The following EPHA6 variants were observed in gnomAD, a reference collection of about 807,000 sequenced individuals.
EPHA6 encodes ephrin type-A receptor 6.
A neutral mutation model predicts 112.0 loss-of-function variants in EPHA6; 50 were observed. That is an observed-to-expected ratio of 0.45 (90% CI 0.36 to 0.56). The LOEUF is 0.56. Among genes scored for constraint, EPHA6 ranks in the 20% least tolerant of loss-of-function variants. The pLI is 0.00. For missense variants in EPHA6, 1,280 were observed against 1,417.4 expected, an observed-to-expected ratio of 0.90 and a Z score of 1.56; for synonymous variants, 529 against 490.7, an observed-to-expected ratio of 1.08 and a Z score of -1.03.
chr3:97,228,537 G>GTA (rs1462416077), intron 4 of EPHA6, among the ~76,000 whole-genome samples: 6 of 148,200 alleles, frequency 4.0e-5, no homozygotes, highest in African/African-American at 1.3e-4. Flanking sequence ...GTGTGTGTGT[G>GTA]TGTATATATA....
At chr3:97,591,530 C>T (rs1192945159) in intron 11 of EPHA6, among the ~76,000 whole-genome samples, 2 of 151,594 alleles carry the variant, frequency 1.3e-5, no homozygotes, top group Admixed American at 1.3e-4. Context: ...ACAGTCCTTA[C>T]AATCATCAGT....
At chr3:97,466,432 A>G (rs1300623630) in intron 7 of EPHA6, 1 of 1,580,916 alleles carries the variant, frequency 6.3e-7, no homozygotes, top group African/African-American at 1.4e-5. Flanking sequence ...TCTCCATTTC[A>G]AGTGACAAAA....
intron 4 of EPHA6, among the ~76,000 whole-genome samples, chr3:97,231,849 T>C (rs2078535973): frequency 6.6e-6 from 1 of 152,206 alleles, no homozygotes; most frequent in Non-Finnish European, 1.5e-5. Context: ...GTTTCTTTTT[T>C]CCAGTGGTTA....
At chr3:97,667,569 T>A (rs995247720) in intron 14 of EPHA6, among the ~76,000 whole-genome samples, 2 of 152,180 alleles carry the variant, frequency 1.3e-5, no homozygotes, top group Non-Finnish European at 2.9e-5. Flanking sequence ...ACATTTCCAT[T>A]TTTCCATTTA....
At chr3:96,859,710 C>T (rs891180342) in intron 1 of EPHA6, among the ~76,000 whole-genome samples, 1 of 151,968 alleles carries the variant, frequency 6.6e-6, no homozygotes, top group Non-Finnish European at 1.5e-5. Flanking sequence ...GGAGAGTATC[C>T]TACAGGTAGG....
chr3:97,094,858 A>G (rs1157981420), intron 3 of EPHA6, among the ~76,000 whole-genome samples: 1 of 152,238 alleles, frequency 6.6e-6, no homozygotes, highest in East Asian at 1.9e-4. Flanking sequence ...TGTAGCCTTT[A>G]TTAAATAAAT....
chr3:97,275,823 G>A (rs1405263013), intron 5 of EPHA6, among the ~76,000 whole-genome samples: 2 of 151,978 alleles, frequency 1.3e-5, no homozygotes, highest in Non-Finnish European at 2.9e-5. Context: ...CATACTGGTG[G>A]GTTAAGGTGG....
intron 5 of EPHA6, among the ~76,000 whole-genome samples, chr3:97,388,894 T>C (rs1216059172): frequency 6.6e-6 from 1 of 152,058 alleles, no homozygotes; most frequent in Non-Finnish European, 1.5e-5. Context: ...ATTCTGAGGT[T>C]TTTTCTGCAG....
At chr3:97,034,770 G>C (rs2045019802) in intron 3 of EPHA6, among the ~76,000 whole-genome samples, 1 of 151,906 alleles carries the variant, frequency 6.6e-6, no homozygotes, top group African/African-American at 2.4e-5. Flanking sequence ...ACAGAGTACT[G>C]TTTCTATGTT....
Position 97,733,892 on chromosome 3 carries a change from A to G in EPHA6, c.2935-2033A>G, listed in dbSNP as rs183516579. 3.3e-5 allele frequency among the ~76,000 whole-genome samples: 5 copies of G among 152,176 alleles called. No homozygotes were observed. The East Asian group carries it at 9.7e-4, about 30-fold the overall frequency. On this transcript the variant is annotated intron_variant, in intron 15 of 17. Coordinates refer to ENST00000389672, the MANE Select transcript of EPHA6 (RefSeq NM_001080448.3). ...TACTAAAATTGTATTGGGTGATAAG[A>G]AATTGGAGAGGAAGATGTTTTATCA...
At chr3:97,748,145 A>C (rs897362892) in intron 17 of EPHA6, among the ~76,000 whole-genome samples, 4 of 152,110 alleles carry the variant, frequency 2.6e-5, no homozygotes, top group African/African-American at 9.7e-5. Context: ...TAGATATCAA[A>C]AATCCATGAG....
At chr3:97,681,707 A>G (rs571733313) in intron 14 of EPHA6, among the ~76,000 whole-genome samples, 4 of 152,106 alleles carry the variant, frequency 2.6e-5, no homozygotes, top group Non-Finnish European at 5.9e-5. Context: ...CTACCAAAAT[A>G]TGTGGTGCAT....
chr3:97,018,715 C>T (rs949402767), intron 3 of EPHA6, among the ~76,000 whole-genome samples: 21 of 152,200 alleles, frequency 1.4e-4, no homozygotes, highest in South Asian at 6.2e-4. Flanking sequence ...CACAGGGAGA[C>T]GGTTAGGCCT....
intron 1 of EPHA6, among the ~76,000 whole-genome samples, chr3:96,823,634 A>G (rs1394224315): frequency 6.6e-6 from 1 of 151,898 alleles, no homozygotes; most frequent in African/African-American, 2.4e-5. Flanking sequence ...CATTGTACAA[A>G]GTCATAAAAG....
rs187409533 is a variant in EPHA6, at chr3:97,580,339, A to C, written c.2387-12273A>C. Among the ~76,000 whole-genome samples, 29 of 152,364 alleles carry C rather than the reference A, an allele frequency of 1.9e-4. No individual in the cohort carries two copies. The East Asian group carries it at 5.0e-3, about 26-fold the overall frequency. On this transcript the variant is annotated intron_variant, in intron 11 of 17. Transcript: ENST00000389672. ...CAAATTTACATCCAAGCCAATGTTT[A>C]AAATTAAATTAAAAGCATGTATGTT...
At chr3:97,099,054 G>A (rs2047329163) in intron 3 of EPHA6, among the ~76,000 whole-genome samples, 1 of 151,914 alleles carries the variant, frequency 6.6e-6, no homozygotes, top group African/African-American at 2.4e-5. Flanking sequence ...TATATTTGTA[G>A]AAGTAGTCAG....
intron 2 of EPHA6, among the ~76,000 whole-genome samples, chr3:96,951,684 C>G (rs1226596661): frequency 6.6e-6 from 1 of 152,084 alleles, no homozygotes; most frequent in African/African-American, 2.4e-5. Flanking sequence ...ATTTAAGCAA[C>G]TAATCTGATT....
intron 3 of EPHA6, 139 bp downstream of exon 3, chr3:96,988,132 A>C: frequency 6.0e-6 from 3 of 499,600 alleles, no homozygotes; most frequent in East Asian, 3.3e-5. Context: ...TATACTGATC[A>C]GATCAAAGTA....
At chr3:97,612,093 A>G (rs893653450) in intron 13 of EPHA6, among the ~76,000 whole-genome samples, 2 of 152,042 alleles carry the variant, frequency 1.3e-5, no homozygotes, top group Non-Finnish European at 2.9e-5. Flanking sequence ...GTGTTTGGGG[A>G]CATGAACTGT....
Sources: gnomAD v4.1 joint callset for allele counts (sites outside exome capture counted in the v4.1 genomes callset) on GRCh38, gnomAD v4.1.1 for gene constraint, MANE v1.5 for transcripts, NCBI Gene and HGNC (gene_info 2026-07-23, HGNC 2026-07-21) for gene names.